FTO: variants seen among roughly 807,000 people sequenced by gnomAD.
The protein encoded by FTO is alpha-ketoglutarate-dependent dioxygenase FTO.
In FTO, 47 loss-of-function variants were observed where a neutral mutation model predicts 63.9. That is an observed-to-expected ratio of 0.74 (90% CI 0.58 to 0.94). The LOEUF is 0.94. Among genes scored for constraint, FTO ranks in the 40% least tolerant of loss-of-function variants. The pLI, the probability that FTO is intolerant of heterozygous loss-of-function variation, is 0.00. For missense variants in FTO, 562 were observed against 618.1 expected (o/e 0.91, Z 0.96); for synonymous variants, 207 against 224.4 (o/e 0.92, Z 0.69).
chr16:54,042,950 CA>C (rs2085118930), intron 8 of FTO, among the ~76,000 whole-genome samples: 1 of 67,152 alleles, frequency 1.5e-5, no homozygotes, highest in Non-Finnish European at 2.3e-5. Context: ...ACCGAAAACC[CA>C]TCTGTACATC....
At chr16:53,841,998 T>C (rs1449040419) in intron 3 of FTO, among the ~76,000 whole-genome samples, 2 of 152,242 alleles carry the variant, frequency 1.3e-5, no homozygotes, top group East Asian at 1.9e-4. Context: ...TGCTTTCTTA[T>C]GTCCTTTGGT....
At chr16:53,756,579 G>T (rs2076929649) in intron 1 of FTO, among the ~76,000 whole-genome samples, 1 of 152,132 alleles carries the variant, frequency 6.6e-6, no homozygotes, top group Admixed American at 6.5e-5. Flanking sequence ...GGTTACAAAA[G>T]ATTCTTAACA....
At chr16:53,829,588 A>C (rs1159477553) in intron 3 of FTO, among the ~76,000 whole-genome samples, 2 of 152,214 alleles carry the variant, frequency 1.3e-5, no homozygotes, top group African/African-American at 2.4e-5. Flanking sequence ...ATTTGGTTTA[A>C]AATTTTGGTT....
chr16:53,725,864 GCT>G (rs1404133438), intron 1 of FTO, among the ~76,000 whole-genome samples: 1 of 152,118 alleles, frequency 6.6e-6, no homozygotes, highest in Non-Finnish European at 1.5e-5. Context: ...GCCACTTAAG[GCT>G]CTGTTTCTTA....
At chr16:53,907,429 C>T (rs1355202117) in intron 7 of FTO, among the ~76,000 whole-genome samples, 3 of 152,182 alleles carry the variant, frequency 2.0e-5, no homozygotes, top group Non-Finnish European at 4.4e-5. Context: ...AGCACAAACT[C>T]TCTGCCACAG....
At chr16:53,988,886 C>T (rs780688496) in intron 8 of FTO, among the ~76,000 whole-genome samples, 7 of 152,110 alleles carry the variant, frequency 4.6e-5, no homozygotes, top group African/African-American at 1.4e-4. Flanking sequence ...CTGAATCAAA[C>T]GTCTTTGACC....
intron 3 of FTO, among the ~76,000 whole-genome samples, chr16:53,841,332 C>T (rs1035762005): frequency 1.4e-4 from 20 of 143,190 alleles, no homozygotes; most frequent in African/African-American, 5.3e-4. Context: ...TAGGAAATGG[C>T]TTTGGACTTT....
intron 8 of FTO, among the ~76,000 whole-genome samples, chr16:53,980,555 C>G (rs886695301): frequency 1.3e-5 from 2 of 152,192 alleles, no homozygotes; most frequent in Non-Finnish European, 2.9e-5. Context: ...GAAAAGGCGG[C>G]TGAGGCCCTG....
At chr16:53,928,282 G>A (rs1221474227) in intron 7 of FTO, among the ~76,000 whole-genome samples, 1 of 152,174 alleles carries the variant, frequency 6.6e-6, no homozygotes, top group South Asian at 2.1e-4. Flanking sequence ...ACCAGTGCAC[G>A]TTTCCTAAAC....
chr16:53,837,116 C>G (rs917734007), intron 3 of FTO, among the ~76,000 whole-genome samples: 5 of 152,154 alleles, frequency 3.3e-5, no homozygotes, highest in Non-Finnish European at 7.3e-5. Context: ...GCTTCCTTAC[C>G]TGATTTCATA....
At chr16:54,008,396 A>T (rs1055623412) in intron 8 of FTO, 3 of 132,908 alleles carry the variant, frequency 2.3e-5, no homozygotes, top group African/African-American at 3.1e-5. Flanking sequence ...ATGTTACCTC[A>T]CAATTTTTTT....
intron 8 of FTO, among the ~76,000 whole-genome samples, chr16:53,941,724 T>G (rs1296314797): frequency 6.6e-6 from 1 of 152,256 alleles, no homozygotes; most frequent in East Asian, 1.9e-4. Flanking sequence ...GGCGCACACC[T>G]GTAGTCCCAG....
chr16:54,111,630 A>G (rs1350848166), intron 8 of FTO, 132 bp from the exon 9 acceptor site: 26 of 912,826 alleles, frequency 2.8e-5, no homozygotes, highest in Middle Eastern at 2.9e-4. Context: ...AGATTCATTC[A>G]GTCGTCACCA....
intron 7 of FTO, among the ~76,000 whole-genome samples, chr16:53,889,152 T>A (rs79750620): frequency 0.019 from 2,941 of 152,332 alleles, 42 homozygotes; most frequent in Middle Eastern, 0.044. Context: ...GAGTATTTTC[T>A]CCTCATAGGG....
At chr16:54,062,152 T>C (rs2085591624) in intron 8 of FTO, among the ~76,000 whole-genome samples, 1 of 152,160 alleles carries the variant, frequency 6.6e-6, no homozygotes, top group Non-Finnish European at 1.5e-5. Context: ...AGAAATGAGA[T>C]GTTATTTTTG....
At chr16:53,881,122 AAAATAAAT>A (rs60470419) in intron 6 of FTO, among the ~76,000 whole-genome samples, 581 of 145,520 alleles carry the variant, frequency 4.0e-3, no homozygotes, top group Admixed American at 7.4e-3. Context: ...ACTCCGTCTC[AAAATAAAT>A]AAATAAATAA....
At chr16:54,024,045 A>G (rs187156939) in intron 8 of FTO, among the ~76,000 whole-genome samples, 63 of 152,350 alleles carry the variant, frequency 4.1e-4, no homozygotes, top group African/African-American at 1.1e-3. Context: ...TATTGAAGTT[A>G]GGTTACTTCT....
intron 1 of FTO, among the ~76,000 whole-genome samples, chr16:53,755,167 T>G (rs2076892884): frequency 1.3e-5 from 2 of 152,208 alleles, no homozygotes; most frequent in African/African-American, 2.4e-5. Flanking sequence ...GGCTTCCACA[T>G]TATTCTTTAT....
chr16:54,001,200 A>G (rs1313537220), intron 8 of FTO, among the ~76,000 whole-genome samples: 1 of 152,190 alleles, frequency 6.6e-6, no homozygotes, highest in Non-Finnish European at 1.5e-5. Flanking sequence ...GAATTGCATT[A>G]TACATATTTT....
Sources: allele counts gnomAD v4.1 joint callset (sites outside exome capture counted in the v4.1 genomes callset), GRCh38; gene constraint gnomAD v4.1.1; transcripts MANE v1.5; gene names NCBI Gene and HGNC (gene_info 2026-07-23, HGNC 2026-07-21).